The following DOCK10 variants were observed in gnomAD, a reference collection of about 807,000 sequenced individuals.
The protein encoded by DOCK10 is dedicator of cytokinesis 10, also known as dedicator of cytokinesis protein 10.
Under a neutral mutation model 280.1 loss-of-function variants are expected in DOCK10, and 145 were observed. That is an observed-to-expected ratio of 0.52 (90% CI 0.45 to 0.59). The LOEUF is 0.59. DOCK10 is among the 20% of genes least tolerant of loss of function. The pLI, the probability that DOCK10 is intolerant of heterozygous loss-of-function variation, is 0.00. For missense variants in DOCK10, 2,368 were observed against 2,651.7 expected (o/e 0.89, Z 2.35); for synonymous variants, 915 against 942.2 (o/e 0.97, Z 0.53).
At chr2:224,922,984 G>A (rs936547770) in intron 2 of DOCK10, among the ~76,000 whole-genome samples, 1 of 152,104 alleles carries the variant, frequency 6.6e-6, no homozygotes, top group African/African-American at 2.4e-5. Flanking sequence ...CTCAGACATC[G>A]ATATTGTCTT....
chr2:224,967,815 G>A (rs1340538479), intron 1 of DOCK10, among the ~76,000 whole-genome samples: 1 of 151,430 alleles, frequency 6.6e-6, no homozygotes, highest in African/African-American at 2.4e-5. Flanking sequence ...TAGGGAAGAA[G>A]TTTTAAAAAA....
chr2:224,933,885 C>T (rs1388142802), intron 1 of DOCK10, among the ~76,000 whole-genome samples: 1 of 152,086 alleles, frequency 6.6e-6, no homozygotes, highest in African/African-American at 2.4e-5. Context: ...AATTTTATCA[C>T]CCATTAGTCC....
intron 42 of DOCK10, 75 bp from the exon 43 acceptor site, chr2:224,797,221 T>G: frequency 8.5e-7 from 1 of 1,174,902 alleles, no homozygotes; most frequent in Non-Finnish European, 1.1e-6. Context: ...ATTTTAAAAT[T>G]CCCTAAAACA....
In DOCK10 at chr2:224,886,020, A is replaced by C. The variant is rs1699257170; in HGVS notation, c.612+43T>G. 3.1e-6 allele frequency: 5 copies of C among 1,612,374 alleles called. No individual in the cohort carries two copies. The East Asian group carries it at 1.1e-4, about 36-fold the overall frequency. The stretch of plus-strand genomic sequence containing the variant: ...GCTGTGACCAGAGGAGGGAGTGTTA[A>C]GAAGGGTGACAGAGATAAAGATGAG... On this transcript the variant is annotated intron_variant, in intron 6 of 55. Transcript: ENST00000258390.
At chr2:225,029,965 G>A (rs567379282) in intron 1 of DOCK10, among the ~76,000 whole-genome samples, 4 of 151,452 alleles carry the variant, frequency 2.6e-5, no homozygotes, top group Admixed American at 6.6e-5. Context: ...TCAACATGGC[G>A]AAACCCCATC....
At chr2:224,933,780 T>C (rs1702532225) in intron 1 of DOCK10, among the ~76,000 whole-genome samples, 1 of 152,190 alleles carries the variant, frequency 6.6e-6, no homozygotes, top group Non-Finnish European at 1.5e-5. Context: ...TATGAGAGTG[T>C]GGTTTTAGTG....
intron 50 of DOCK10, among the ~76,000 whole-genome samples, chr2:224,781,192 T>A (rs957927822): frequency 6.6e-6 from 1 of 152,214 alleles, no homozygotes; most frequent in African/African-American, 2.4e-5. Context: ...CGAAAATACA[T>A]ACTTTCAGCT....
In DOCK10 at chr2:224,800,189, T is replaced by C. The variant is rs1409350700; in HGVS notation, c.4468A>G (p.Ile1490Val). 4.3e-6 allele frequency: 7 copies of C among 1,611,906 alleles called. No individual in the cohort carries two copies. The highest frequency in any genetic ancestry group is 2.2e-5 in the East Asian group (1 of 44,826). Residue 1490 changes from isoleucine (I) to valine (V), a missense_variant, in exon 41 of 56, where the codon ATT becomes GTT. This residue lies in a region of DOCK10 where 1,159 missense variants were observed against 1,400.8 expected (regional missense o/e 0.83). Transcript: ENST00000258390. ...GTGAAGAGGGATAACAGGTCCAGAATAGTGAGGCAAACCTCCGTAGCTATA... is the reference window on the plus strand; with the variant it reads ...GTGAAGAGGGATAACAGGTCCAGAACAGTGAGGCAAACCTCCGTAGCTATA... The part of the protein sequence containing the change: ...ANIATEVCLT[I>V]LDLLSLFTQT...
chr2:224,966,102 G>C (rs1395994686), intron 1 of DOCK10, among the ~76,000 whole-genome samples: 1 of 152,160 alleles, frequency 6.6e-6, no homozygotes, highest in Non-Finnish European at 1.5e-5. Context: ...CATGCAAGCG[G>C]GCACAACAGA....
At chr2:224,881,651 A>G (rs889063731) in intron 7 of DOCK10, among the ~76,000 whole-genome samples, 2 of 152,218 alleles carry the variant, frequency 1.3e-5, no homozygotes, top group Non-Finnish European at 2.9e-5. Flanking sequence ...ATTTTAATAA[A>G]TGGAACAATC....
intron 1 of DOCK10, among the ~76,000 whole-genome samples, chr2:225,025,471 G>GA (rs759389270): frequency 4.0e-5 from 6 of 151,844 alleles, no homozygotes; most frequent in Admixed American, 6.6e-5. Context: ...ACCACAACTA[G>GA]AAAAAAATAT....
intron 2 of DOCK10, among the ~76,000 whole-genome samples, chr2:224,922,049 G>A (rs896508755): frequency 6.6e-6 from 1 of 151,524 alleles, no homozygotes; most frequent in Non-Finnish European, 1.5e-5. Context: ...AACCCGGGTG[G>A]CGGAGGTTGC....
At chr2:224,850,145 T>G (rs956818895) in intron 18 of DOCK10, among the ~76,000 whole-genome samples, 4 of 152,276 alleles carry the variant, frequency 2.6e-5, no homozygotes, top group Admixed American at 2.0e-4. Flanking sequence ...TTCATGAATA[T>G]AAAGAAACCC....
chr2:224,773,693 G>C (rs1226043567), intron 52 of DOCK10, among the ~76,000 whole-genome samples: 1 of 150,712 alleles, frequency 6.6e-6, no homozygotes, highest in Non-Finnish European at 1.5e-5. Flanking sequence ...GTGCAGTGGC[G>C]CGATCTCGGC....
chr2:225,039,315 T>G (rs1409685334), intron 1 of DOCK10, among the ~76,000 whole-genome samples: 1 of 152,260 alleles, frequency 6.6e-6, no homozygotes, highest in African/African-American at 2.4e-5. Context: ...GAATGAGATT[T>G]CAGGAAATTA....
chr2:225,017,055 G>T (rs1304853167), intron 1 of DOCK10, among the ~76,000 whole-genome samples: 1 of 146,312 alleles, frequency 6.8e-6, no homozygotes, highest in Non-Finnish European at 1.5e-5. Context: ...GTAAACTCAA[G>T]CCTCTTATAT....
intron 3 of DOCK10, among the ~76,000 whole-genome samples, chr2:224,905,340 C>T (rs936135507): frequency 4.0e-5 from 6 of 150,338 alleles, no homozygotes; most frequent in Non-Finnish European, 7.4e-5. Flanking sequence ...CTCCGCTTCC[C>T]GGGTTCACGC....
chr2:225,033,980 G>A (rs967449167), intron 1 of DOCK10, among the ~76,000 whole-genome samples: 3 of 152,214 alleles, frequency 2.0e-5, no homozygotes, highest in Non-Finnish European at 4.4e-5. Flanking sequence ...AAATGTCTGA[G>A]CAACAGTGTC....
intron 33 of DOCK10, 119 bp from the exon 34 acceptor site, chr2:224,806,356 C>T: frequency 1.8e-6 from 1 of 546,824 alleles, no homozygotes; most frequent in South Asian, 3.2e-5. Flanking sequence ...CTTTTATATC[C>T]CCTTACAGGT....
Sources: gnomAD v4.1 joint callset for allele counts (sites outside exome capture counted in the v4.1 genomes callset) on GRCh38, gnomAD v4.1.1 for gene constraint, gnomAD v4.1.1 regional missense constraint, MANE v1.5 for transcripts, NCBI Gene and HGNC (gene_info 2026-07-23, HGNC 2026-07-21) for gene names.